DCHS1: variants seen among roughly 807,000 people sequenced by gnomAD.
The protein encoded by DCHS1 is dachsous cadherin-related 1, also known as protocadherin-16.
A neutral mutation model predicts 213.9 loss-of-function variants in DCHS1; 78 were observed. The observed-to-expected ratio is 0.36, with a 90% CI of 0.30 to 0.44. DCHS1 has a LOEUF of 0.44. DCHS1 is among the 20% of genes least tolerant of loss of function. DCHS1 has a pLI of 1.00. For missense variants in DCHS1, 3,946 were observed against 4,395.9 expected (o/e 0.90, Z 2.89); for synonymous variants, 1,828 against 1,873.7 (o/e 0.98, Z 0.63).
chr11:6,630,289 T>C lies in DCHS1; in HGVS notation c.4505A>G (p.Asp1502Gly). 1 of 1,514,800 alleles carries C rather than the reference T, an allele frequency of 6.6e-7. No individual in the cohort carries two copies. The highest frequency in any genetic ancestry group is 8.8e-7 in the Non-Finnish European group (1 of 1,134,932). The allele number at this position is 1,514,800 out of a possible 1,614,324, so 93.8% of individuals were successfully genotyped here. A position where few individuals can be genotyped will look rare whatever the true frequency, so the allele number is the denominator to read the frequency against. Reference sequence around the variant, plus strand: ...CAGCAGCGCGGGAGTGGTCTCTCGGTCCAGGCCGCGCGGAGCGCTGAGCGC... The same window carrying C: ...CAGCAGCGCGGGAGTGGTCTCTCGGCCCAGGCCGCGCGGAGCGCTGAGCGC... ...TGALSAPRGL[D>G]RETTPALLLL... Residue 1502 changes from aspartate (D) to glycine (G), a missense_variant, in exon 10 of 21, where the codon GAC (aspartate) becomes GGC (glycine). Coordinates refer to ENST00000299441, the MANE Select transcript of DCHS1 (RefSeq NM_003737.4).
chr11:6,635,782 C>T (rs557253048), intron 2 of DCHS1, among the ~76,000 whole-genome samples: 10 of 152,296 alleles, frequency 6.6e-5, no homozygotes, highest in Admixed American at 4.6e-4. Flanking sequence ...CCCTCTGACT[C>T]GCTGCAGGAA....
Position 6,625,776 on chromosome 11 carries a change from C to T in DCHS1, c.6732-49G>A, listed in dbSNP as rs923863915. The T allele has an allele frequency of 6.9e-6, 11 of 1,589,896 alleles. No homozygotes were observed. The African/African-American group carries it at 1.5e-4, about 21-fold the overall frequency. On this transcript the variant is annotated intron_variant, in intron 17 of 20. Coordinates refer to ENST00000299441, the MANE Select transcript of DCHS1 (RefSeq NM_003737.4). The surrounding 1 kb of genome is among the most constrained non-coding windows in gnomAD (Gnocchi z 5.3). The stretch of plus-strand genomic sequence containing the variant: ...GGTGGGACATGGCAATAAGGGGGAA[C>T]TCTGGGCAGGGCCAGGAGGACTCAG...
intron 9 of DCHS1, 77 bp from the exon 10 acceptor site, chr11:6,630,940 T>A: frequency 1.3e-6 from 2 of 1,498,538 alleles, no homozygotes; most frequent in Non-Finnish European, 1.8e-6. Context: ...TCCCAGGTGG[T>A]AGGAAAGTGG....
rs757668517 is a variant in DCHS1 at position 6,622,652 on chromosome 11, G to A, written c.9024C>T (p.Pro3008=). ...PSEHLYHQTL[P]SYGGPGAGGP... ...CTCCAGCTCCTGGCCCACCATAGCT[G>A]GGAAGAGTCTGGTGATAGAGGTGCT... The change falls in exon 21 of 21, where the codon CCC becomes CCT. Residue 3008 remains proline, a synonymous_variant. Coordinates refer to ENST00000299441, the MANE Select transcript of DCHS1 (RefSeq NM_003737.4). This position sits in a 1 kb window ranked among gnomAD's most constrained non-coding sequence, Gnocchi z 5.4. 8 of 1,591,850 alleles carry A rather than the reference G, an allele frequency of 5.0e-6. No homozygotes were observed. The Admixed American group carries it at 1.1e-4, about 21-fold the overall frequency.
Position 6,640,840 on chromosome 11 carries a change from G to A in DCHS1, c.774C>T (p.Ser258=), listed in dbSNP as rs1856061139. 6.2e-7 allele frequency: 1 copy of A among 1,614,062 alleles called. No individual in the cohort carries two copies. Among genetic ancestry groups the A allele is most frequent in the Non-Finnish European group, 8.5e-7 (1 of 1,179,898 alleles). Residue 258 remains serine, a synonymous_variant, in exon 2 of 21, where the codon AGC becomes AGT. Coordinates refer to ENST00000299441, the MANE Select transcript of DCHS1 (RefSeq NM_003737.4). This position sits in a 1 kb window ranked among gnomAD's most constrained non-coding sequence, Gnocchi z 6.5. The part of the protein sequence containing the change: ...INDHAPAFNQ[S]RYHAVVSESL... Reference sequence around the variant, plus strand: ...TCTCAGACACCACAGCATGGTAGCGGCTCTGATTGAAAGCCGGGGCATGGT... The same window carrying A: ...TCTCAGACACCACAGCATGGTAGCGACTCTGATTGAAAGCCGGGGCATGGT...
In DCHS1 at chr11:6,632,261, T is replaced by A. The variant is rs1855922111; in HGVS notation, c.3251A>T (p.Gln1084Leu). The A allele has an allele frequency of 1.9e-6, 3 of 1,613,872 alleles. No individual in the cohort carries two copies. The highest frequency in any genetic ancestry group is 2.5e-6 in the Non-Finnish European group (3 of 1,179,792). ...CCTCACGGTGGCTGTGCCTGTCTGC[T>A]GCCCCAACTCAGCTTTGGACCCAGA... ...AVSGSKAELG[Q>L]QTGTATVRVS... The change falls in exon 6 of 21, where the codon CAG becomes CTG. Residue 1084 changes from glutamine (Q) to leucine (L), a missense_variant. Physicochemically the swap from Gln to Leu is moderately radical, Grantham distance 113 (BLOSUM62 -2). Transcript: ENST00000299441. This position sits in a 1 kb window ranked among gnomAD's most constrained non-coding sequence, Gnocchi z 5.9.
In DCHS1 at chr11:6,628,915, T is replaced by C. The variant is rs139938353; in HGVS notation, c.5162-85A>G. ...CCACACAGTGTTCATACATGTTCAC[T>C]AGGTGCACACAAACCAGAAAATGTC... is the stretch of plus-strand genomic sequence containing the variant. On this transcript the variant is annotated intron_variant, in intron 12 of 20. Coordinates refer to ENST00000299441, the MANE Select transcript of DCHS1 (RefSeq NM_003737.4). The surrounding 1 kb of genome is among the most constrained non-coding windows in gnomAD (Gnocchi z 4.3). The C allele has an allele frequency of 3.8e-5, 54 of 1,409,520 alleles. 1 individual carries two copies. In the Middle Eastern group the frequency reaches 5.3e-4, roughly 14 times the overall value. 87.3% of individuals were successfully genotyped at this position (1,409,520 alleles called of 1,614,324 possible).
At position 6,640,356 on chromosome 11, in the gene DCHS1, C is replaced by T. The variant is rs761187405; in HGVS notation, c.1258G>A (p.Val420Ile). 27 of 1,612,798 alleles carry T rather than the reference C, an allele frequency of 1.7e-5. No individual in the cohort carries two copies. Among genetic ancestry groups the T allele is most frequent in the Admixed American group, 1.7e-4 (10 of 59,752 alleles). ...CGAGCCACACACACCAGATAGATGA[C>T]GCTGTCTTGGGTGCTTAGGGCAAAG... is the stretch of plus-strand genomic sequence containing the variant. The part of the protein sequence containing the change: ...GHFALSTQDS[V>I]IYLVCVARRL... Residue 420 changes from valine (V) to isoleucine (I), a missense_variant, in exon 2 of 21, where the codon GTC becomes ATC. Physicochemically the swap from Val to Ile is conservative, Grantham distance 29. Coordinates refer to ENST00000299441, the MANE Select transcript of DCHS1 (RefSeq NM_003737.4). The surrounding 1 kb of genome is among the most constrained non-coding windows in gnomAD (Gnocchi z 6.5).
Position 6,641,455 on chromosome 11 carries a change from C to G in DCHS1, c.159G>C (p.Glu53Asp). The G allele has an allele frequency of 6.3e-7, 1 of 1,598,758 alleles. No homozygotes were observed. Among genetic ancestry groups the G allele is most frequent in the Non-Finnish European group, 8.5e-7 (1 of 1,173,194 alleles). The change falls in exon 2 of 21, where the codon GAG becomes GAC. Residue 53 changes from glutamate (E) to aspartate (D), a missense_variant. Glu to Asp is a conservative substitution (Grantham distance 45). This residue lies in a region of DCHS1 where 3,384 missense variants were observed against 3,780.1 expected (regional missense o/e 0.90). Coordinates refer to ENST00000299441, the MANE Select transcript of DCHS1 (RefSeq NM_003737.4). The surrounding 1 kb of genome is among the most constrained non-coding windows in gnomAD (Gnocchi z 7.1). ...QAGSLDLQIDEEQPAGTLIGD... is the reference protein window; with the variant it reads ...QAGSLDLQIDDEQPAGTLIGD... ...CAATCAGTGTACCCGCTGGCTGCTC[C>G]TCATCAATCTGCAAGTCCAGGCTCC...
At position 6,655,638 on chromosome 11, in the gene DCHS1, C is replaced by T; in HGVS notation, c.-196G>A. 1 of 978,576 alleles carries T rather than the reference C, an allele frequency of 1.0e-6. No individual in the cohort carries two copies. Among genetic ancestry groups the T allele is most frequent in the South Asian group, 4.7e-5 (1 of 21,234 alleles). 60.6% of individuals were successfully genotyped at this position (978,576 alleles called of 1,614,324 possible). A position where few individuals can be genotyped will look rare whatever the true frequency, so the allele number is the denominator to read the frequency against. ...CGGTCAGCCCCCCGGGCAGCGCCCGCTCGCGCGGGGCCTGAGGCCGCGCAT... is the reference window on the plus strand; with the variant it reads ...CGGTCAGCCCCCCGGGCAGCGCCCGTTCGCGCGGGGCCTGAGGCCGCGCAT... On this transcript the variant is annotated 5_prime_UTR_variant, in exon 1 of 21. Coordinates refer to ENST00000299441, the MANE Select transcript of DCHS1 (RefSeq NM_003737.4).
rs1388565415 is a variant in DCHS1 at position 6,641,802 on chromosome 11, G to C, written c.-120-69C>G. On this transcript the variant is annotated intron_variant, in intron 1 of 20. Coordinates refer to ENST00000299441, the MANE Select transcript of DCHS1 (RefSeq NM_003737.4). This position sits in a 1 kb window ranked among gnomAD's most constrained non-coding sequence, Gnocchi z 7.1. ...CAGCAGTCCAGATAACCTGGACGAG[G>C]CCACATCAACATTCAGATATGCTCA... 1.5e-6 allele frequency: 2 copies of C among 1,304,588 alleles called. No individual in the cohort carries two copies. The highest frequency in any genetic ancestry group is 1.6e-5 in the South Asian group (1 of 62,462). The allele number at this position is 1,304,588 out of a possible 1,614,324, so 80.8% of individuals were successfully genotyped here.
chr11:6,641,555 T>C lies in DCHS1; in HGVS notation c.59A>G (p.His20Arg). 2 of 1,550,498 alleles carry C rather than the reference T, an allele frequency of 1.3e-6. No homozygotes were observed. The highest frequency in any genetic ancestry group is 2.4e-5 in the South Asian group (2 of 84,124). ...CAGCAGCAGCAATGGTAGCAGGAGG[T>C]GGGGCCTGGGGCTCTTCATGCCAGG... is the stretch of plus-strand genomic sequence containing the variant. Reference protein sequence around the residue: ...SCPGMKSPRPHLLLPLLLLLL... With the variant: ...SCPGMKSPRPRLLLPLLLLLL... Residue 20 changes from histidine (H) to arginine (R), a missense_variant, in exon 2 of 21, where the codon CAC (histidine) becomes CGC (arginine). Transcript: ENST00000299441. The surrounding 1 kb of genome is among the most constrained non-coding windows in gnomAD (Gnocchi z 7.1).
chr11:6,630,276 A>G lies in DCHS1; in HGVS notation c.4518T>C (p.Thr1506=). ...CTTCCACCAGCAGCAGCAGCGCGGG[A>G]GTGGTCTCTCGGTCCAGGCCGCGCG... is the stretch of plus-strand genomic sequence containing the variant. The part of the protein sequence containing the change: ...SAPRGLDRET[T]PALLLLVEAT... The change falls in exon 10 of 21, where the codon ACT becomes ACC. Residue 1506 remains threonine, a synonymous_variant. Coordinates refer to ENST00000299441, the MANE Select transcript of DCHS1 (RefSeq NM_003737.4). 2.0e-6 allele frequency: 3 copies of G among 1,530,806 alleles called. No individual in the cohort carries two copies. The highest frequency in any genetic ancestry group is 1.8e-6 in the Non-Finnish European group (2 of 1,142,216). 94.8% of individuals were successfully genotyped at this position (1,530,806 alleles called of 1,614,324 possible). A position where few individuals can be genotyped will look rare whatever the true frequency, so the allele number is the denominator to read the frequency against.
intron 6 of DCHS1, 110 bp downstream of exon 6, chr11:6,631,921 T>A: frequency 6.9e-7 from 1 of 1,445,248 alleles, no homozygotes; most frequent in Non-Finnish European, 9.1e-7. Flanking sequence ...CAGGGCTAAA[T>A]CCTCATTCTC....
Position 6,639,769 on chromosome 11 carries a change from C to T in DCHS1, c.1797+48G>A, listed in dbSNP as rs760313581. ...GTTCCTGCTCTGAGGTCCCCTGTGG[C>T]TCTCAGATTCCCCCAACACTATCTT... On this transcript the variant is annotated intron_variant, in intron 2 of 20. Transcript: ENST00000299441. 4.1e-6 allele frequency: 6 copies of T among 1,480,964 alleles called. No homozygotes were observed. In the South Asian group the frequency reaches 7.8e-5, roughly 19 times the overall value. 91.7% of individuals were successfully genotyped at this position (1,480,964 alleles called of 1,614,324 possible).
chr11:6,626,785 C>G lies in DCHS1; in HGVS notation c.6250+4G>C. The G allele has an allele frequency of 6.2e-7, 1 of 1,610,720 alleles. No homozygotes were observed. Among genetic ancestry groups the G allele is most frequent in the South Asian group, 1.1e-5 (1 of 91,062 alleles). On this transcript the variant is annotated splice_donor_region_variant and intron_variant, in intron 14 of 20. Transcript: ENST00000299441. The surrounding 1 kb of genome is among the most constrained non-coding windows in gnomAD (Gnocchi z 5.2). ...GAATCTGGAAGAAATGGCTGGGGACCCACCTGGGGGCGCATTCTCACGAAT... is the reference window on the plus strand; with the variant it reads ...GAATCTGGAAGAAATGGCTGGGGACGCACCTGGGGGCGCATTCTCACGAAT...
rs372196392 is a variant in DCHS1, at chr11:6,631,112, G to A, written c.3871C>T (p.Leu1291=). The A allele has an allele frequency of 4.3e-6, 7 of 1,613,500 alleles. No homozygotes were observed. Among genetic ancestry groups the A allele is most frequent in the Non-Finnish European group, 4.2e-6 (5 of 1,179,646 alleles). The change falls in exon 9 of 21, where the codon CTG becomes TTG. Residue 1291 remains leucine (L), a synonymous_variant. Coordinates refer to ENST00000299441, the MANE Select transcript of DCHS1 (RefSeq NM_003737.4). ...RAERPHYVLT[L]SAHDQGSPPR... Reference sequence around the variant, plus strand: ...GGGCTGCCTTGGTCATGAGCACTCAGTGTCAGCACATAGTGGGGCCGCTCT... The same window carrying A: ...GGGCTGCCTTGGTCATGAGCACTCAATGTCAGCACATAGTGGGGCCGCTCT...
At chr11:6,631,571 C>A in intron 7 of DCHS1, 45 bp downstream of exon 7, 1 of 1,549,272 alleles carries the variant, frequency 6.5e-7, no homozygotes, top group South Asian at 1.2e-5. Flanking sequence ...GAGATCCCCA[C>A]TCCCTCTCAC....
At position 6,640,492 on chromosome 11, in the gene DCHS1, T is replaced by C. The variant is rs114648582; in HGVS notation, c.1122A>G (p.Gln374=). 1.0e-3 allele frequency: 1,686 copies of C among 1,613,304 alleles called. 17 individuals carry two copies. The African/African-American group carries it at 0.02, about 19-fold the overall frequency. The change falls in exon 2 of 21, where the codon CAA becomes CAG. Residue 374 remains glutamine, a synonymous_variant. Coordinates refer to ENST00000299441, the MANE Select transcript of DCHS1 (RefSeq NM_003737.4). This position sits in a 1 kb window ranked among gnomAD's most constrained non-coding sequence, Gnocchi z 6.5. ...GTCCAGGTGGGGCGGCCTCAGACAC[T>C]TGGGGGGAGCCATCTGCACTGAGAA... ...VIFLSADGSP[Q]VSEAAPPGQL...
Sources: gnomAD v4.1 joint callset for allele counts (sites outside exome capture counted in the v4.1 genomes callset) on GRCh38, gnomAD v4.1.1 for gene constraint, gnomAD v4.1.1 regional missense constraint, Gnocchi (gnomAD v3.1) non-coding constraint, MANE v1.5 for transcripts, NCBI Gene and HGNC (gene_info 2026-07-23, HGNC 2026-07-21) for gene names.